Variants in ZBTB25 observed in about 807,000 individuals in gnomAD.
The protein encoded by ZBTB25 is zinc finger and BTB domain containing 25, also known as zinc finger and BTB domain-containing protein 25.
Under a neutral mutation model 34.2 loss-of-function variants are expected in ZBTB25, and 20 were observed. The observed-to-expected ratio is 0.58, with a 90% CI of 0.41 to 0.85. ZBTB25 has a LOEUF of 0.85. ZBTB25 is among the 40% of genes least tolerant of loss of function. ZBTB25 has a pLI of 0.00. For missense variants in ZBTB25, 437 were observed against 521.8 expected (o/e 0.84, Z 1.58); for synonymous variants, 175 against 186.4 (o/e 0.94, Z 0.50).
chr14:64,490,682 C>T, intron 1 of ZBTB25, 142 bp from the exon 2 acceptor site: 1 of 787,124 alleles, frequency 1.3e-6, no homozygotes, highest in Non-Finnish European at 1.9e-6. Flanking sequence ...TTCAAGTTTT[C>T]AATCCTATTA....
At position 64,488,068 on chromosome 14, in the gene ZBTB25, C is replaced by T. The variant is rs2078941939; in HGVS notation, c.174-11G>A. 1.9e-6 allele frequency: 3 copies of T among 1,604,384 alleles called. No individual in the cohort carries two copies. Among genetic ancestry groups the T allele is most frequent in the Admixed American group, 3.4e-5 (2 of 59,362 alleles). On this transcript the variant is annotated splice_polypyrimidine_tract_variant and intron_variant, in intron 2 of 2. Coordinates refer to ENST00000608382, the MANE Select transcript of ZBTB25 (RefSeq NM_006977.5). ...ATTTTTATGCATTCACTGTTAAAAA[C>T]AAAAACAGACCCACAAGAAATGAAA... is the stretch of plus-strand genomic sequence containing the variant.
chr14:64,502,554 C>T, intron 1 of ZBTB25: 1 of 841,638 alleles, frequency 1.2e-6, no homozygotes, highest in Non-Finnish European at 1.4e-6. Flanking sequence ...CAAAAATACA[C>T]CATAGGCGGC....
intron 2 of ZBTB25, chr14:64,454,597 G>T: frequency 1.3e-6 from 1 of 758,552 alleles, no homozygotes; most frequent in Non-Finnish European, 2.3e-6. Context: ...GCAAGATAGA[G>T]ATGTATATAA....
chr14:64,452,378 C>T (rs1642124702), intron 2 of ZBTB25, among the ~76,000 whole-genome samples: 1 of 152,198 alleles, frequency 6.6e-6, no homozygotes, highest in Non-Finnish European at 1.5e-5. Flanking sequence ...TTGTAATTTG[C>T]TCATCCAAAT....
At position 64,486,353 on chromosome 14, in the gene ZBTB25, G is replaced by A; in HGVS notation, c.*570C>T. 1.0e-6 allele frequency: 1 copy of A among 985,184 alleles called. No homozygotes were observed. The highest frequency in any genetic ancestry group is 1.7e-5 in the African/African-American group (1 of 57,282). The allele number at this position is 985,184 out of a possible 1,614,324, so 61.0% of individuals were successfully genotyped here. A position where few individuals can be genotyped will look rare whatever the true frequency, so the allele number is the denominator to read the frequency against. On this transcript the variant is annotated 3_prime_UTR_variant, in exon 3 of 3. Coordinates refer to ENST00000608382, the MANE Select transcript of ZBTB25 (RefSeq NM_006977.5). ...TTAAAAAGTAAAGAGAAGCCATGTA[G>A]GTAAGATGTTGTGGAGCTAGTAGTT...
chr14:64,449,909 T>C (rs1452837798), intron 2 of ZBTB25, among the ~76,000 whole-genome samples: 2 of 152,180 alleles, frequency 1.3e-5, no homozygotes, highest in Non-Finnish European at 2.9e-5. Context: ...CTGCCTCAGC[T>C]TCCCAAGTAG....
At chr14:64,472,206 A>T (rs1036606224) in intron 2 of ZBTB25, 1 of 167,130 alleles carries the variant, frequency 6.0e-6, no homozygotes, top group Non-Finnish European at 1.5e-5. Flanking sequence ...GACAGCTACC[A>T]GCTATCATAT....
intron 2 of ZBTB25, among the ~76,000 whole-genome samples, chr14:64,452,578 C>G (rs1448420148): frequency 6.6e-6 from 1 of 152,238 alleles, no homozygotes. Context: ...TGGTCTCTGT[C>G]CACTGCACTG....
chr14:64,469,193 C>T, intron 2 of ZBTB25: 1 of 1,614,108 alleles, frequency 6.2e-7, no homozygotes. Context: ...TGATGTTCCT[C>T]CTTTACCTGC....
At chr14:64,502,794 C>A in intron 1 of ZBTB25, 1 of 958,296 alleles carries the variant, frequency 1.0e-6, no homozygotes, top group Non-Finnish European at 1.2e-6. Flanking sequence ...CTACATCACG[C>A]TCTTCAGGCC....
chr14:64,459,701 C>T, intron 2 of ZBTB25: 6 of 1,391,952 alleles, frequency 4.3e-6, no homozygotes, highest in Non-Finnish European at 5.7e-6. Context: ...ATGGAAGGAA[C>T]AGGAAACATT....
chr14:64,467,087 A>T (rs2078619881), intron 2 of ZBTB25: 1 of 152,212 alleles, frequency 6.6e-6, no homozygotes, highest in African/African-American at 2.4e-5. Flanking sequence ...TGGTTAAATG[A>T]CCATTAATCA....
chr14:64,449,423 A>T, exon 3 of ZBTB25: 1 of 1,611,994 alleles, frequency 6.2e-7, no homozygotes. Flanking sequence ...CCATGCTTTG[A>T]TATGAAATGC....
At chr14:64,498,338 C>T (rs1304734508) in intron 1 of ZBTB25, among the ~76,000 whole-genome samples, 1 of 150,994 alleles carries the variant, frequency 6.6e-6, no homozygotes, top group Non-Finnish European at 1.5e-5. Context: ...CAGAGTCTCG[C>T]TCTGTCGCCC....
chr14:64,460,004 C>A, intron 2 of ZBTB25: 1 of 1,326,638 alleles, frequency 7.5e-7, no homozygotes, highest in Non-Finnish European at 1.0e-6. Context: ...ACAAGTTTGC[C>A]ATCTTGGTGT....
chr14:64,499,816 T>C (rs1180535278), intron 1 of ZBTB25, among the ~76,000 whole-genome samples: 1 of 152,224 alleles, frequency 6.6e-6, no homozygotes, highest in Non-Finnish European at 1.5e-5. Flanking sequence ...GACATCTGCT[T>C]ATTAAGATCT....
Position 64,490,541 on chromosome 14 carries a change from C to A in ZBTB25, c.-7-1G>T. 1 of 1,600,138 alleles carries A rather than the reference C, an allele frequency of 6.2e-7. No homozygotes were observed. The highest frequency in any genetic ancestry group is 8.5e-7 in the Non-Finnish European group (1 of 1,173,980). ...ATGGCTGGCAGTGTCCATTGTGGTT[C>A]TGAAAAAAAGGACAAGATAAATGTA... On this transcript the variant is annotated splice_acceptor_variant, in intron 1 of 2. Transcript: ENST00000608382. LOFTEE classifies it low-confidence loss of function (5UTR_SPLICE).
At chr14:64,467,063 T>C (rs1408206400) in intron 2 of ZBTB25, 1 of 152,248 alleles carries the variant, frequency 6.6e-6, no homozygotes, top group African/African-American at 2.4e-5. Flanking sequence ...AATTATGAGT[T>C]GATAAGTGCC....
rs183578895 is a variant in ZBTB25 at position 64,486,163 on chromosome 14, G to A, written c.*760C>T. 0.013 allele frequency: 8,797 copies of A among 654,758 alleles called. 105 individuals carry two copies. The highest frequency in any genetic ancestry group is 0.066 in the South Asian group (956 of 14,592). The allele number at this position is 654,758 out of a possible 1,614,324, so 40.6% of individuals were successfully genotyped here. A position where few individuals can be genotyped will look rare whatever the true frequency, so the allele number is the denominator to read the frequency against. Reference sequence around the variant, plus strand: ...AAAAATACAAAAAAATTAGCTGGGCGTGGTGGCGGGCGCCTGTAGTCCCAG... The same window carrying A: ...AAAAATACAAAAAAATTAGCTGGGCATGGTGGCGGGCGCCTGTAGTCCCAG... On this transcript the variant is annotated 3_prime_UTR_variant, in exon 3 of 3. Transcript: ENST00000608382.
Sources: gnomAD v4.1 joint callset for allele counts (sites outside exome capture counted in the v4.1 genomes callset) on GRCh38, gnomAD v4.1.1 for gene constraint, MANE v1.5 for transcripts, NCBI Gene and HGNC (gene_info 2026-07-23, HGNC 2026-07-21) for gene names.